Variants in CYP4V2 observed in about 807,000 individuals in gnomAD.
CYP4V2 encodes the protein cytochrome P450 family 4 subfamily V member 2.
A neutral mutation model predicts 60.8 loss-of-function variants in CYP4V2; 55 were observed. The observed-to-expected ratio is 0.90, with a 90% confidence interval of 0.73 to 1.13. The LOEUF (loss-of-function observed/expected upper bound fraction) is 1.13. Ranked by LOEUF, CYP4V2 falls within the 50% of genes most tolerant of loss-of-function variation. The pLI, the probability that CYP4V2 is intolerant of heterozygous loss-of-function variation, is 0.00. For missense variants in CYP4V2, 675 were observed against 662.9 expected (o/e 1.02, Z -0.20); for synonymous variants, 239 against 236.8 (o/e 1.01, Z -0.08).
chr4:186,207,515 TTA>T (rs1372280105), intron 8 of CYP4V2, among the ~76,000 whole-genome samples: 1 of 147,776 alleles, frequency 6.8e-6, no homozygotes, highest in African/African-American at 2.5e-5. Context: ...AATTATTAAA[TTA>T]TATTTATATT....
At chr4:186,193,172 G>C (rs1736040120) in intron 1 of CYP4V2, among the ~76,000 whole-genome samples, 1 of 152,138 alleles carries the variant, frequency 6.6e-6, no homozygotes. Context: ...TAAAAGCAGA[G>C]CTAACCACCC....
intron 1 of CYP4V2, 172 bp downstream of exon 1, chr4:186,192,209 T>G (rs1736011263): frequency 1.2e-6 from 1 of 824,446 alleles, no homozygotes; most frequent in South Asian, 1.4e-5. Context: ...CCGCCGACAC[T>G]GCTAGTGCCC....
At chr4:186,196,241 C>T in intron 3 of CYP4V2, 153 bp downstream of exon 3, 1 of 744,334 alleles carries the variant, frequency 1.3e-6, no homozygotes, top group Non-Finnish European at 2.3e-6. Flanking sequence ...GTCCAGCTGG[C>T]AGCTGGCCTT....
intron 10 of CYP4V2, 120 bp downstream of exon 10, chr4:186,209,392 A>T: frequency 1.6e-6 from 2 of 1,242,154 alleles, no homozygotes; most frequent in African/African-American, 3.1e-5. Flanking sequence ...AAAAAAAAAT[A>T]GGTGGTTTCT....
chr4:186,208,762 G>A (rs984082662), intron 8 of CYP4V2, 103 bp from the exon 9 acceptor site: 9 of 1,500,014 alleles, frequency 6.0e-6, no homozygotes, highest in Non-Finnish European at 8.3e-6. Context: ...GTATTTGATG[G>A]GTATTTAGCA....
At chr4:186,200,058 T>C (rs1054149584) in intron 6 of CYP4V2, among the ~76,000 whole-genome samples, 1 of 147,162 alleles carries the variant, frequency 6.8e-6, no homozygotes, top group African/African-American at 2.5e-5. Flanking sequence ...GCAGGTTATA[T>C]TTCATAATTA....
chr4:186,207,264 C>T (rs1276427679), intron 8 of CYP4V2, among the ~76,000 whole-genome samples: 1 of 151,652 alleles, frequency 6.6e-6, no homozygotes, highest in Non-Finnish European at 1.5e-5. Context: ...AAAAAATTAG[C>T]CGGGCATGGT....
Position 186,196,021 on chromosome 4 carries a change from A to G in CYP4V2, c.346A>G (p.Lys116Glu). 6.2e-7 allele frequency: 1 copy of G among 1,613,852 alleles called. No homozygotes were observed. The highest frequency in any genetic ancestry group is 2.2e-5 in the East Asian group (1 of 44,882). ...ENVEVILTSSKQIDKSSMYKF... is the reference protein window; with the variant it reads ...ENVEVILTSSEQIDKSSMYKF... ...TCCTAAGGTAATTTTAACTAGTTCA[A>G]AGCAAATTGACAAATCCTCTATGTA... is the stretch of plus-strand genomic sequence containing the variant. Residue 116 changes from lysine (K) to glutamate (E), a missense_variant, in exon 3 of 11, where the codon AAG becomes GAG. Coordinates refer to ENST00000378802, the MANE Select transcript of CYP4V2 (RefSeq NM_207352.4).
intron 5 of CYP4V2, 103 bp downstream of exon 5, chr4:186,197,705 T>A: frequency 1.7e-6 from 2 of 1,210,444 alleles, no homozygotes; most frequent in Non-Finnish European, 2.4e-6. Flanking sequence ...GTTTCAAAAT[T>A]AAACATTAAA....
At chr4:186,197,471 A>C in intron 4 of CYP4V2, 62 bp from the exon 5 acceptor site, 1 of 1,551,412 alleles carries the variant, frequency 6.4e-7, no homozygotes, top group South Asian at 1.1e-5. Flanking sequence ...GCCGCTGCAA[A>C]ATAAACACGA....
rs1381962221 is a variant in CYP4V2 at position 186,191,639 on chromosome 4, C to G, written c.-185C>G. The G allele has an allele frequency of 9.5e-6, 4 of 420,396 alleles. No individual in the cohort carries two copies. The highest frequency in any genetic ancestry group is 8.9e-5 in the East Asian group (2 of 22,432). The allele number at this position is 420,396 out of a possible 1,614,324, so 26.0% of individuals were successfully genotyped here. On this transcript the variant is annotated 5_prime_UTR_variant, in exon 1 of 11. Coordinates refer to ENST00000378802, the MANE Select transcript of CYP4V2 (RefSeq NM_207352.4). ...GCCGGGCCGGGCGCAGGAACAGCCC[C>G]GTGGCGCCCTCTCTGGCCGCCGCCC...
chr4:186,205,044 T>G, intron 7 of CYP4V2, 156 bp from the exon 8 acceptor site: 1 of 747,056 alleles, frequency 1.3e-6, no homozygotes, highest in East Asian at 2.7e-5. Context: ...TTTCCTTGTT[T>G]GTCACCGAGG....
chr4:186,201,473 G>C lies in CYP4V2; in HGVS notation c.987+131G>C. The C allele has an allele frequency of 5.3e-6, 6 of 1,134,338 alleles. No individual in the cohort carries two copies. The South Asian group carries it at 9.6e-5, about 18-fold the overall frequency. 70.3% of individuals were successfully genotyped at this position (1,134,338 alleles called of 1,614,324 possible). A position where few individuals can be genotyped will look rare whatever the true frequency, so the allele number is the denominator to read the frequency against. ...AAGAAGATTCATTATATTTTAATTA[G>C]AAATTACAAAATTTAAGAAACTGAT... is the stretch of plus-strand genomic sequence containing the variant. On this transcript the variant is annotated intron_variant, in intron 7 of 10. Transcript: ENST00000378802.
chr4:186,208,194 G>A (rs922621870), intron 8 of CYP4V2, among the ~76,000 whole-genome samples: 3 of 135,248 alleles, frequency 2.2e-5, no homozygotes, highest in Non-Finnish European at 4.9e-5. Flanking sequence ...GTATTTGATG[G>A]GTATTTAGCA....
At chr4:186,204,949 C>G in intron 7 of CYP4V2, 1 of 535,142 alleles carries the variant, frequency 1.9e-6, no homozygotes, top group Non-Finnish European at 3.4e-6. Flanking sequence ...TTTATTAACA[C>G]AGCACAGGCA....
At chr4:186,204,363 T>A (rs1246023052) in intron 7 of CYP4V2, 1 of 154,170 alleles carries the variant, frequency 6.5e-6, no homozygotes, top group East Asian at 1.9e-4. Context: ...TACGCTGGCG[T>A]AAGAGGCGGC....
chr4:186,211,994 G>A lies in CYP4V2; in HGVS notation c.*1353G>A, dbSNP rs1736738108. The A allele has an allele frequency of 6.6e-6, 1 of 152,036 alleles. No individual in the cohort carries two copies. The highest frequency in any genetic ancestry group is 1.5e-5 in the Non-Finnish European group (1 of 68,020). 9.4% of individuals were successfully genotyped at this position (152,036 alleles called of 1,614,324 possible). On this transcript the variant is annotated 3_prime_UTR_variant, in exon 11 of 11. Transcript: ENST00000378802. ...CAGTTTTTTCACAGTGCCTCACAGA[G>A]TTAATCATGCCTTTTGGAGCTAGAA...
intron 5 of CYP4V2, among the ~76,000 whole-genome samples, chr4:186,198,371 G>A (rs1037530088): frequency 6.6e-6 from 1 of 152,198 alleles, no homozygotes; most frequent in East Asian, 1.9e-4. Context: ...ATTGATACCA[G>A]AGAGCAAAAC....
At chr4:186,192,457 A>C in intron 1 of CYP4V2, 1 of 344,516 alleles carries the variant, frequency 2.9e-6, no homozygotes, top group Non-Finnish European at 5.7e-6. Flanking sequence ...GGAAAATAAG[A>C]GACTAGAGAT....
Sources: gnomAD v4.1 joint callset for allele counts (sites outside exome capture counted in the v4.1 genomes callset) on GRCh38, gnomAD v4.1.1 for gene constraint, MANE v1.5 for transcripts, NCBI Gene and HGNC (gene_info 2026-07-23, HGNC 2026-07-21) for gene names.